The following CALD1 variants were observed in gnomAD, a reference collection of about 807,000 sequenced individuals.
CALD1 encodes the protein caldesmon.
In CALD1, 33 loss-of-function variants were observed where a neutral mutation model predicts 99.9. That is an observed-to-expected ratio of 0.33 (90% CI 0.25 to 0.44). The LOEUF is 0.44. Ranked by LOEUF, CALD1 falls within the 20% of genes least tolerant of loss-of-function variation. CALD1 has a pLI of 1.00. For synonymous variants in CALD1, 310 were observed against 325.0 expected, an observed-to-expected ratio of 0.95 and a Z score of 0.50; for missense variants, 861 against 962.1, an observed-to-expected ratio of 0.89 and a Z score of 1.39.
At chr7:134,959,383 T>C (rs1402250505) in intron 11 of CALD1, among the ~76,000 whole-genome samples, 2 of 152,178 alleles carry the variant, frequency 1.3e-5, no homozygotes, top group Admixed American at 6.5e-5. Flanking sequence ...TTAAGAAGTA[T>C]TGTTGAGGCC....
intron 3 of CALD1, among the ~76,000 whole-genome samples, chr7:134,875,362 G>T (rs1021961456): frequency 5.3e-5 from 8 of 152,186 alleles, no homozygotes; most frequent in African/African-American, 1.9e-4. Context: ...GTCACTGGGC[G>T]CGGTGGCTCA....
chr7:134,851,964 T>G (rs1474225254), intron 2 of CALD1, among the ~76,000 whole-genome samples: 1 of 152,214 alleles, frequency 6.6e-6, no homozygotes, highest in Non-Finnish European at 1.5e-5. Context: ...AGCTTTTCAA[T>G]GAGTTCAACT....
chr7:134,733,513 A>T, the CALD1 span, among the ~76,000 whole-genome samples: 2 of 152,216 alleles, frequency 1.3e-5, no homozygotes, highest in Admixed American at 6.5e-5. Flanking sequence ...TTGGGTGTTT[A>T]AAAATGTCTG....
At chr7:134,825,934 A>G (rs1215322214) in intron 1 of CALD1, among the ~76,000 whole-genome samples, 1 of 152,044 alleles carries the variant, frequency 6.6e-6, no homozygotes, top group Non-Finnish European at 1.5e-5. Flanking sequence ...TTTCACCAAC[A>G]CCATCTTAAT....
At chr7:134,865,365 C>T (rs967544517) in intron 2 of CALD1, among the ~76,000 whole-genome samples, 11 of 151,944 alleles carry the variant, frequency 7.2e-5, no homozygotes, top group Admixed American at 7.2e-4. Flanking sequence ...ACACACACAC[C>T]ACCGAGAGTC....
At chr7:134,775,989 T>C (rs1796915748), upstream of CALD1, among the ~76,000 whole-genome samples, 1 of 152,224 alleles carries the variant, frequency 6.6e-6, no homozygotes, top group Admixed American at 6.5e-5. Context: ...TTTTGCATCT[T>C]GAACTTAATT....
the CALD1 span, among the ~76,000 whole-genome samples, chr7:134,734,224 T>C: frequency 6.6e-6 from 1 of 152,218 alleles, no homozygotes; most frequent in Non-Finnish European, 1.5e-5. Context: ...TATAAAGAAT[T>C]ATTTCTTAAA....
At chr7:134,730,482 A>C in the CALD1 span, among the ~76,000 whole-genome samples, 1 of 152,172 alleles carries the variant, frequency 6.6e-6, no homozygotes, top group Non-Finnish European at 1.5e-5. Context: ...CACGGGTTTT[A>C]CAAGCAGTAA....
intron 5 of CALD1, 130 bp downstream of exon 5, chr7:134,934,207 T>C: frequency 7.2e-7 from 1 of 1,384,762 alleles, no homozygotes; most frequent in Non-Finnish European, 9.8e-7. Flanking sequence ...CTGTTCATTT[T>C]TTCAGGCCAT....
At chr7:134,728,029 A>G in the CALD1 span, among the ~76,000 whole-genome samples, 1 of 152,176 alleles carries the variant, frequency 6.6e-6, no homozygotes, top group African/African-American at 2.4e-5. Context: ...CTTTGCTAAC[A>G]TTAGTTACTT....
intron 3 of CALD1, among the ~76,000 whole-genome samples, chr7:134,894,125 A>G (rs1257079343): frequency 6.6e-6 from 1 of 152,208 alleles, no homozygotes. Flanking sequence ...ACAGCTCTCT[A>G]GGAATGTCCT....
intron 2 of CALD1, among the ~76,000 whole-genome samples, chr7:134,862,404 G>T (rs769511060): frequency 3.3e-5 from 5 of 152,172 alleles, no homozygotes; most frequent in Admixed American, 6.5e-5. Context: ...AGAGCTATCA[G>T]CCATGAAAAG....
intron 1 of CALD1, among the ~76,000 whole-genome samples, chr7:134,809,092 G>C (rs746005565): frequency 6.6e-6 from 1 of 152,146 alleles, no homozygotes; most frequent in Non-Finnish European, 1.5e-5. Flanking sequence ...AATCCATGAG[G>C]ATTTTATATT....
intron 3 of CALD1, among the ~76,000 whole-genome samples, chr7:134,877,765 T>C (rs1191004947): frequency 6.6e-6 from 1 of 152,214 alleles, no homozygotes; most frequent in African/African-American, 2.4e-5. Flanking sequence ...TATTGCATAA[T>C]CTATGGTTTC....
chr7:134,919,529 A>T (rs1024844122), intron 3 of CALD1, among the ~76,000 whole-genome samples: 7 of 152,222 alleles, frequency 4.6e-5, no homozygotes, highest in African/African-American at 7.2e-5. Context: ...GAGTACATAC[A>T]TAAGAACACT....
At position 134,947,960 on chromosome 7, in the gene CALD1, T is replaced by C. The variant is rs994093181; in HGVS notation, c.1794+191T>C. 4.4e-5 allele frequency: 27 copies of C among 614,398 alleles called. No homozygotes were observed. The African/African-American group carries it at 4.4e-4, about 10-fold the overall frequency. The allele number at this position is 614,398 out of a possible 1,614,324, so 38.1% of individuals were successfully genotyped here. On this transcript the variant is annotated intron_variant, in intron 8 of 14. Transcript: ENST00000361675. Reference sequence around the variant, plus strand: ...GCTTCTAAGAACTCGCTGACCTAGGTACTAATCCCCATTTTACAGATGAGA... The same window carrying C: ...GCTTCTAAGAACTCGCTGACCTAGGCACTAATCCCCATTTTACAGATGAGA...
intron 1 of CALD1, among the ~76,000 whole-genome samples, chr7:134,798,506 C>T (rs1047834577): frequency 2.6e-5 from 4 of 152,210 alleles, no homozygotes; most frequent in Admixed American, 6.5e-5. Context: ...TGCTGAAACT[C>T]TGTTCTTAAA....
intron 3 of CALD1, among the ~76,000 whole-genome samples, chr7:134,928,259 A>G (rs140949792): frequency 0.016 from 2,362 of 151,670 alleles, 70 homozygotes; most frequent in African/African-American, 0.053. Context: ...GCAAAACCCC[A>G]TCTCTACTAA....
intron 9 of CALD1, among the ~76,000 whole-genome samples, chr7:134,957,676 C>T (rs911536159): frequency 1.3e-5 from 2 of 152,204 alleles, no homozygotes; most frequent in Non-Finnish European, 2.9e-5. Context: ...CTGCCTCGGC[C>T]TCTCAAAGTG....
Sources: gnomAD v4.1 joint callset for allele counts (sites outside exome capture counted in the v4.1 genomes callset) on GRCh38, gnomAD v4.1.1 for gene constraint, MANE v1.5 for transcripts, NCBI Gene and HGNC (gene_info 2026-07-23, HGNC 2026-07-21) for gene names.